KCNQ3: variants seen among roughly 807,000 people sequenced by gnomAD.
KCNQ3 encodes potassium voltage-gated channel subfamily KQT member 3.
In KCNQ3, 30 loss-of-function variants were observed where a neutral mutation model predicts 92.5. That is an observed-to-expected ratio of 0.32 (90% confidence interval 0.24 to 0.44). The LOEUF is 0.44. Ranked by LOEUF, KCNQ3 falls within the 20% of genes least tolerant of loss-of-function variation. The pLI, the probability that KCNQ3 is intolerant of heterozygous loss-of-function variation, is 1.00. For missense variants in KCNQ3, 913 were observed against 1,140.3 expected (o/e 0.80, Z 2.87); for synonymous variants, 450 against 468.8 (o/e 0.96, Z 0.52).
rs369875102 is a variant in KCNQ3, at chr8:132,211,991, A to G, written c.387-25810T>C. 4.0e-4 allele frequency among the ~76,000 whole-genome samples: 60 copies of G among 151,602 alleles called. No homozygotes were observed. The Middle Eastern group carries it at 0.014, about 35-fold the overall frequency. ...AAAAAAACTTTTAACAAGGTTATGT[A>G]TATTTCCCAAGCCACGGCTAATAAT... is the stretch of plus-strand genomic sequence containing the variant. On this transcript the variant is annotated intron_variant, in intron 1 of 14. Coordinates refer to ENST00000388996, the MANE Select transcript of KCNQ3 (RefSeq NM_004519.4).
chr8:132,375,089 T>C (rs1819574103), intron 1 of KCNQ3, among the ~76,000 whole-genome samples: 1 of 152,196 alleles, frequency 6.6e-6, no homozygotes, highest in Admixed American at 6.5e-5. Context: ...TTTAGCTCTT[T>C]GAGAAGAAAG....
At chr8:132,173,241 C>A (rs994809455) in intron 6 of KCNQ3, among the ~76,000 whole-genome samples, 10 of 152,120 alleles carry the variant, frequency 6.6e-5, no homozygotes, top group African/African-American at 2.4e-4. Context: ...CACACACTTT[C>A]CAAGCTGAAA....
intron 14 of KCNQ3, among the ~76,000 whole-genome samples, chr8:132,131,737 C>T (rs1221616174): frequency 6.6e-6 from 1 of 152,076 alleles, no homozygotes; most frequent in East Asian, 1.9e-4. Flanking sequence ...GATTTGATTT[C>T]CATATCTTTT....
At chr8:132,474,653 A>G (rs918382983) in intron 1 of KCNQ3, among the ~76,000 whole-genome samples, 10 of 152,184 alleles carry the variant, frequency 6.6e-5, no homozygotes, top group Non-Finnish European at 1.3e-4. Flanking sequence ...TCTCACATGC[A>G]TCCATTCAGC....
intron 1 of KCNQ3, among the ~76,000 whole-genome samples, chr8:132,258,533 T>C (rs1381488089): frequency 6.6e-6 from 1 of 151,996 alleles, no homozygotes; most frequent in Non-Finnish European, 1.5e-5. Context: ...AAATTTACAG[T>C]TGTAAATGTC....
chr8:132,281,959 C>T (rs892215683), intron 1 of KCNQ3, among the ~76,000 whole-genome samples: 1 of 152,176 alleles, frequency 6.6e-6, no homozygotes, highest in African/African-American at 2.4e-5. Flanking sequence ...ACACATTCTT[C>T]CCTCTGTATC....
chr8:132,150,183 T>G, intron 9 of KCNQ3, among the ~76,000 whole-genome samples: 1 of 152,160 alleles, frequency 6.6e-6, no homozygotes, highest in Admixed American at 6.5e-5. Context: ...AGGTTAGTCT[T>G]AAGCTGTAGC....
chr8:132,369,067 G>A (rs1295041482), intron 1 of KCNQ3, among the ~76,000 whole-genome samples: 1 of 152,150 alleles, frequency 6.6e-6, no homozygotes, highest in African/African-American at 2.4e-5. Context: ...TTTGTAGAAT[G>A]TCTCTCAATT....
At chr8:132,212,358 C>T (rs1268041382) in intron 1 of KCNQ3, among the ~76,000 whole-genome samples, 1 of 152,136 alleles carries the variant, frequency 6.6e-6, no homozygotes, top group Non-Finnish European at 1.5e-5. Context: ...TTCCCCTCAA[C>T]TGTCCTTTTC....
intron 1 of KCNQ3, among the ~76,000 whole-genome samples, chr8:132,302,709 C>T (rs1817257746): frequency 6.6e-6 from 1 of 152,184 alleles, no homozygotes; most frequent in Non-Finnish European, 1.5e-5. Flanking sequence ...TTTCCTGGCA[C>T]TCGATTTTTT....
intron 1 of KCNQ3, among the ~76,000 whole-genome samples, chr8:132,271,848 C>T (rs891536001): frequency 8.5e-5 from 13 of 152,172 alleles, no homozygotes; most frequent in Admixed American, 6.5e-5. Flanking sequence ...GGCCCTGTGA[C>T]GTCTGCTGTC....
chr8:132,378,543 T>G lies in KCNQ3; in HGVS notation c.386+101604A>C, dbSNP rs183610788. On this transcript the variant is annotated intron_variant, in intron 1 of 14. Transcript: ENST00000388996. ...CTTTTCCATACATTGCCTTAAATAA[T>G]GGAACTATATTATATACTAAGACAG... 1.8e-3 allele frequency among the ~76,000 whole-genome samples: 275 copies of G among 152,356 alleles called. 1 individual carries two copies. The highest frequency in any genetic ancestry group is 5.9e-3 in the African/African-American group (247 of 41,580).
intron 1 of KCNQ3, among the ~76,000 whole-genome samples, chr8:132,413,947 G>A (rs1329278224): frequency 1.3e-5 from 2 of 152,182 alleles, no homozygotes; most frequent in African/African-American, 4.8e-5. Flanking sequence ...TGCTTTGGGA[G>A]CAAAGGAGAC....
intron 11 of KCNQ3, 144 bp downstream of exon 11, chr8:132,139,932 C>T: frequency 1.6e-6 from 1 of 628,948 alleles, no homozygotes; most frequent in Non-Finnish European, 2.8e-6. Flanking sequence ...TATTTACATA[C>T]TTCAGGGACC....
Position 132,344,634 on chromosome 8 carries a change from C to T in KCNQ3, c.386+135513G>A, listed in dbSNP as rs1031989392. Among the ~76,000 whole-genome samples the T allele has an allele frequency of 1.2e-4, 18 of 152,286 alleles. No individual in the cohort carries two copies. In the South Asian group the frequency reaches 3.3e-3, roughly 28 times the overall value. On this transcript the variant is annotated intron_variant, in intron 1 of 14. Coordinates refer to ENST00000388996, the MANE Select transcript of KCNQ3 (RefSeq NM_004519.4). ...ATCACGGTGGAATCAGAATTTGTATCTTCAGCACCTAGGCAAAGAAAATAG... is the reference window on the plus strand; with the variant it reads ...ATCACGGTGGAATCAGAATTTGTATTTTCAGCACCTAGGCAAAGAAAATAG...
chr8:132,353,889 G>C (rs1818943374), intron 1 of KCNQ3, among the ~76,000 whole-genome samples: 1 of 152,208 alleles, frequency 6.6e-6, no homozygotes, highest in Non-Finnish European at 1.5e-5. Flanking sequence ...ATAGGCAAGA[G>C]AGAACACTGT....
intron 1 of KCNQ3, among the ~76,000 whole-genome samples, chr8:132,469,708 C>G (rs961605977): frequency 6.6e-6 from 1 of 151,972 alleles, no homozygotes; most frequent in African/African-American, 2.4e-5. Context: ...GGAGCAGGGA[C>G]CCTGATCGGT....
intron 1 of KCNQ3, among the ~76,000 whole-genome samples, chr8:132,438,249 C>A (rs1439826834): frequency 6.6e-6 from 1 of 152,184 alleles, no homozygotes; most frequent in Non-Finnish European, 1.5e-5. Context: ...GACTAGAATT[C>A]CTGCCTCTTT....
intron 1 of KCNQ3, among the ~76,000 whole-genome samples, chr8:132,406,243 T>A (rs576890733): frequency 1.3e-4 from 20 of 152,234 alleles, no homozygotes; most frequent in African/African-American, 4.8e-4. Flanking sequence ...TGTTAACACT[T>A]TCTTTGCTGG....
Sources: gnomAD v4.1 joint callset for allele counts (sites outside exome capture counted in the v4.1 genomes callset) on GRCh38, gnomAD v4.1.1 for gene constraint, MANE v1.5 for transcripts, NCBI Gene and HGNC (gene_info 2026-07-23, HGNC 2026-07-21) for gene names.